PRKN: variants seen among roughly 807,000 people sequenced by gnomAD.
PRKN encodes E3 ubiquitin-protein ligase parkin.
Under a neutral mutation model 59.5 loss-of-function variants are expected in PRKN, and 56 were observed. The ratio of observed to expected loss-of-function variants is 0.94; its 90% CI spans 0.76 to 1.18. The LOEUF (loss-of-function observed/expected upper bound fraction) is 1.18, where lower values mean the gene tolerates loss of function less well. Ranked by LOEUF, PRKN falls within the 50% of genes most tolerant of loss-of-function variation. PRKN has a pLI of 0.00. For synonymous variants in PRKN, 250 were observed against 222.1 expected, an observed-to-expected ratio of 1.13 and a Z score of -1.12; for missense variants, 657 against 596.4, an observed-to-expected ratio of 1.10 and a Z score of -1.06.
chr6:161,735,383 C>T lies in PRKN; in HGVS notation c.871+50389G>A, dbSNP rs765279583. Reference sequence around the variant, plus strand: ...GAAGAGTAAATATATTTTCTCTTCCCTATGATTTTCTTAACATTTTCCTTT... The same window carrying T: ...GAAGAGTAAATATATTTTCTCTTCCTTATGATTTTCTTAACATTTTCCTTT... On this transcript the variant is annotated intron_variant, in intron 7 of 11. Transcript: ENST00000366898. Among the ~76,000 whole-genome samples the T allele has an allele frequency of 4.6e-5, 7 of 152,076 alleles. No homozygotes were observed. The South Asian group carries it at 1.5e-3, about 32-fold the overall frequency.
intron 6 of PRKN, among the ~76,000 whole-genome samples, chr6:161,950,390 C>A (rs928267317): frequency 6.6e-6 from 1 of 152,044 alleles, no homozygotes; most frequent in Admixed American, 6.6e-5. Context: ...ACAAAAAATA[C>A]AAAAATTAGC....
chr6:161,462,322 G>T lies in PRKN; in HGVS notation c.1084-75445C>A, dbSNP rs537066738. On this transcript the variant is annotated intron_variant, in intron 9 of 11. Transcript: ENST00000366898. The surrounding 1 kb of genome is among the most constrained non-coding windows in gnomAD (Gnocchi z 4.5). ...ATCACCTGAACTTCCAGCTATCTGT[G>T]GTTTATAAGCTGGCATAAGCTGGCA... is the stretch of plus-strand genomic sequence containing the variant. Among the ~76,000 whole-genome samples, 35 of 152,268 alleles carry T rather than the reference G, an allele frequency of 2.3e-4. No homozygotes were observed. Among genetic ancestry groups the T allele is most frequent in the Admixed American group, 1.8e-3 (27 of 15,290 alleles).
At chr6:161,627,379 T>C (rs568011847) in intron 7 of PRKN, among the ~76,000 whole-genome samples, 76 of 152,334 alleles carry the variant, frequency 5.0e-4, no homozygotes, top group African/African-American at 1.7e-3. Context: ...GAGAACACCA[T>C]GGAATATGGT....
chr6:161,803,268 C>T (rs192489281), intron 6 of PRKN, among the ~76,000 whole-genome samples: 37 of 152,306 alleles, frequency 2.4e-4, no homozygotes, highest in African/African-American at 8.2e-4. Flanking sequence ...TGTCACATAA[C>T]GCTTTTATTA....
At chr6:162,685,762 A>T (rs1216470944) in intron 1 of PRKN, among the ~76,000 whole-genome samples, 1 of 152,202 alleles carries the variant, frequency 6.6e-6, no homozygotes, top group East Asian at 1.9e-4. Flanking sequence ...AACTTCCAAG[A>T]ATCAAACTCA....
At position 161,732,179 on chromosome 6, in the gene PRKN, T is replaced by C. The variant is rs1787745184; in HGVS notation, c.871+53593A>G. 2.0e-5 allele frequency among the ~76,000 whole-genome samples: 3 copies of C among 151,772 alleles called. No individual in the cohort carries two copies. In the South Asian group the frequency reaches 6.2e-4, roughly 32 times the overall value. On this transcript the variant is annotated intron_variant, in intron 7 of 11. Transcript: ENST00000366898. Reference sequence around the variant, plus strand: ...TCAGCACGCTGGAACCTCCGCCTCCTGGGTTCAAGCGATTCTCCTGCCTCA... The same window carrying C: ...TCAGCACGCTGGAACCTCCGCCTCCCGGGTTCAAGCGATTCTCCTGCCTCA...
At chr6:162,435,156 C>T (rs1398236474) in intron 2 of PRKN, among the ~76,000 whole-genome samples, 1 of 152,186 alleles carries the variant, frequency 6.6e-6, no homozygotes, top group Non-Finnish European at 1.5e-5. Context: ...TATCAGGTTT[C>T]CTGTACCCTA....
At chr6:162,344,239 A>C (rs1262595558) in intron 2 of PRKN, among the ~76,000 whole-genome samples, 1 of 152,158 alleles carries the variant, frequency 6.6e-6, no homozygotes, top group Non-Finnish European at 1.5e-5. Flanking sequence ...TATTAGATAC[A>C]TGTCACATTC....
At chr6:161,528,293 T>C (rs1400526905) in intron 9 of PRKN, among the ~76,000 whole-genome samples, 1 of 152,094 alleles carries the variant, frequency 6.6e-6, no homozygotes, top group Non-Finnish European at 1.5e-5. Flanking sequence ...AGAAACAGAG[T>C]CTTCCATAGC....
chr6:161,747,842 C>T (rs1014964104), intron 7 of PRKN, among the ~76,000 whole-genome samples: 2 of 152,184 alleles, frequency 1.3e-5, no homozygotes, highest in Non-Finnish European at 2.9e-5. Flanking sequence ...CCAATGACTC[C>T]TATGAGCACG....
chr6:162,336,211 G>A lies in PRKN; in HGVS notation c.172-73446C>T, dbSNP rs573698380. On this transcript the variant is annotated intron_variant, in intron 2 of 11. Transcript: ENST00000366898. ...GTTTTCATAAAACTCAACAGAATAT[G>A]TATACAAGTATAAAATGTATACAAT... is the stretch of plus-strand genomic sequence containing the variant. Among the ~76,000 whole-genome samples the A allele has an allele frequency of 1.3e-4, 20 of 152,112 alleles. No homozygotes were observed. The East Asian group carries it at 3.5e-3, about 26-fold the overall frequency.
In PRKN at chr6:161,419,454, C is replaced by A. The variant is rs1787992032; in HGVS notation, c.1084-32577G>T. Among the ~76,000 whole-genome samples, 1 of 151,760 alleles carries A rather than the reference C, an allele frequency of 6.6e-6. No individual in the cohort carries two copies. Among genetic ancestry groups the A allele is most frequent in the Non-Finnish European group, 1.5e-5 (1 of 67,986 alleles). On this transcript the variant is annotated intron_variant, in intron 9 of 11. Transcript: ENST00000366898. The surrounding 1 kb of genome is among the most constrained non-coding windows in gnomAD (Gnocchi z 4.1). ...CCAGGCTGGAGTGCAGTGGTGCCATCTTGGCTCACTGCAACCTCCACCTCC... is the reference window on the plus strand; with the variant it reads ...CCAGGCTGGAGTGCAGTGGTGCCATATTGGCTCACTGCAACCTCCACCTCC...
rs1583101107 is a variant in PRKN, at chr6:161,462,647, A to G, written c.1084-75770T>C. ...CAGGGTGATCATATTAAAAAAATCAAAATTTAATATGTCATTAACAGAGGT... is the reference window on the plus strand; with the variant it reads ...CAGGGTGATCATATTAAAAAAATCAGAATTTAATATGTCATTAACAGAGGT... On this transcript the variant is annotated intron_variant, in intron 9 of 11. Transcript: ENST00000366898. The surrounding 1 kb of genome is among the most constrained non-coding windows in gnomAD (Gnocchi z 4.5). Among the ~76,000 whole-genome samples the G allele has an allele frequency of 6.6e-6, 1 of 152,182 alleles. No individual in the cohort carries two copies. The highest frequency in any genetic ancestry group is 2.4e-5 in the African/African-American group (1 of 41,442).
intron 5 of PRKN, among the ~76,000 whole-genome samples, chr6:162,011,438 TATATTTATAATATATAATA>T (rs1782695105): frequency 8.6e-5 from 2 of 23,282 alleles, no homozygotes; most frequent in African/African-American, 1.1e-3. Context: ...ATATATGTTA[TATATTTATAATATATAATA>T]TATATATTAT....
intron 3 of PRKN, among the ~76,000 whole-genome samples, chr6:162,256,951 ATTTCTT>A (rs1779662004): frequency 1.3e-5 from 2 of 152,238 alleles, no homozygotes; most frequent in South Asian, 4.1e-4. Flanking sequence ...GTTACTTTTT[ATTTCTT>A]TATGTTTCAA....
intron 6 of PRKN, among the ~76,000 whole-genome samples, chr6:161,972,406 T>C (rs1780852181): frequency 6.6e-6 from 1 of 152,220 alleles, no homozygotes; most frequent in South Asian, 2.1e-4. Context: ...TCGGAAAGTG[T>C]AGAGTAAGGA....
chr6:162,472,373 G>C lies in PRKN; in HGVS notation c.8-28900C>G, dbSNP rs562937677. Among the ~76,000 whole-genome samples, 75 of 128,800 alleles carry C rather than the reference G, an allele frequency of 5.8e-4. 1 individual carries two copies. Among genetic ancestry groups the C allele is most frequent in the African/African-American group, 2.2e-3 (72 of 33,012 alleles). 84.5% of individuals were successfully genotyped at this position (128,800 alleles called of 152,430 possible). A position where few individuals can be genotyped will look rare whatever the true frequency, so the allele number is the denominator to read the frequency against. On this transcript the variant is annotated intron_variant, in intron 1 of 11. Coordinates refer to ENST00000366898, the MANE Select transcript of PRKN (RefSeq NM_004562.3). ...TCCCCCCACCCCCCACCCCAAGACA[G>C]GTGTGATGTTCCCCACTCTGTGTCC... is the stretch of plus-strand genomic sequence containing the variant.
chr6:162,543,860 T>A (rs2128200861), intron 1 of PRKN, among the ~76,000 whole-genome samples: 1 of 152,212 alleles, frequency 6.6e-6, no homozygotes, highest in East Asian at 1.9e-4. Context: ...CATGGCAAGG[T>A]GCAGGCCCAG....
At chr6:162,456,389 T>C (rs1448632916) in intron 1 of PRKN, among the ~76,000 whole-genome samples, 1 of 152,168 alleles carries the variant, frequency 6.6e-6, no homozygotes, top group Non-Finnish European at 1.5e-5. Context: ...AAATATATAT[T>C]TATATTTTTA....
Sources: allele counts gnomAD v4.1 joint callset (sites outside exome capture counted in the v4.1 genomes callset), GRCh38; gene constraint gnomAD v4.1.1; non-coding constraint Gnocchi (gnomAD v3.1); transcripts MANE v1.5; gene names NCBI Gene and HGNC (gene_info 2026-07-23, HGNC 2026-07-21).